NELL1: variants seen among roughly 807,000 people sequenced by gnomAD.
NELL1 encodes the protein neural EGFL like 1, also known as protein kinase C-binding protein NELL1.
In NELL1, 76 loss-of-function variants were observed where a neutral mutation model predicts 107.4. The observed-to-expected ratio is 0.71, with a 90% CI of 0.59 to 0.86. The LOEUF (loss-of-function observed/expected upper bound fraction) is 0.86. Among genes scored for constraint, NELL1 ranks in the 40% least tolerant of loss-of-function variants. NELL1 has a pLI of 0.00. For synonymous variants in NELL1, 353 were observed against 341.2 expected (o/e 1.03, Z -0.38); for missense variants, 1,024 against 1,005.5 (o/e 1.02, Z -0.25).
intron 5 of NELL1, among the ~76,000 whole-genome samples, chr11:20,892,213 G>C (rs910884269): frequency 2.0e-5 from 3 of 152,056 alleles, no homozygotes; most frequent in African/African-American, 7.2e-5. Context: ...TAAGAAACTC[G>C]CTCAAAACCG....
chr11:21,206,472 T>C (rs1476360011), intron 13 of NELL1, among the ~76,000 whole-genome samples: 1 of 152,182 alleles, frequency 6.6e-6, no homozygotes, highest in Non-Finnish European at 1.5e-5. Context: ...TTGGGGGTGG[T>C]ACTGTTCAAC....
chr11:21,248,876 T>C (rs1291167306), intron 14 of NELL1, among the ~76,000 whole-genome samples: 2 of 152,146 alleles, frequency 1.3e-5, no homozygotes, highest in Non-Finnish European at 2.9e-5. Flanking sequence ...ATCCTGGTAA[T>C]ATTGGACAAT....
intron 14 of NELL1, among the ~76,000 whole-genome samples, chr11:21,325,872 G>C (rs1393170256): frequency 6.6e-6 from 1 of 151,732 alleles, no homozygotes; most frequent in Non-Finnish European, 1.5e-5. Flanking sequence ...TCATATAAAT[G>C]TAATAACATA....
intron 14 of NELL1, among the ~76,000 whole-genome samples, chr11:21,346,671 A>G (rs555073608): frequency 2.7e-5 from 4 of 148,274 alleles, no homozygotes; most frequent in South Asian, 2.1e-4. Context: ...ATAATATCAA[A>G]TTAAATATAT....
At position 20,670,026 on chromosome 11, in the gene NELL1, C is replaced by A. The variant is rs1590192410; in HGVS notation, c.55+248C>A. Among the ~76,000 whole-genome samples the A allele has an allele frequency of 2.0e-5, 3 of 152,312 alleles. No homozygotes were observed. In the East Asian group the frequency reaches 5.8e-4, roughly 30 times the overall value. On this transcript the variant is annotated intron_variant, in intron 1 of 19. Coordinates refer to ENST00000357134, the MANE Select transcript of NELL1 (RefSeq NM_006157.5). ...GCCTCAGGGGCGCAGGAGTGAGGGG[C>A]GCGGCCGAGTAGGCGCACCCTCTTG...
intron 14 of NELL1, among the ~76,000 whole-genome samples, chr11:21,251,934 C>T (rs1161421692): frequency 6.6e-6 from 1 of 152,056 alleles, no homozygotes; most frequent in African/African-American, 2.4e-5. Flanking sequence ...AAATCAAGGG[C>T]AAGAACAAGA....
chr11:21,199,469 A>C (rs1005691427), intron 13 of NELL1, among the ~76,000 whole-genome samples: 6 of 152,182 alleles, frequency 3.9e-5, no homozygotes, highest in African/African-American at 1.4e-4. Context: ...AGACTCTTGC[A>C]ATCTCAGTAA....
intron 2 of NELL1, among the ~76,000 whole-genome samples, chr11:20,755,553 TTTGTTTTTG>T (rs368890024): frequency 0.58 from 61,337 of 105,270 alleles, 15,960 homozygotes; most frequent in Middle Eastern, 0.73. Flanking sequence ...TTTTTTTGTT[TTTGTTTTTG>T]TTTTTTTTTT....
At chr11:20,803,303 C>T (rs1019581129) in intron 3 of NELL1, among the ~76,000 whole-genome samples, 1 of 152,062 alleles carries the variant, frequency 6.6e-6, no homozygotes, top group Admixed American at 6.5e-5. Flanking sequence ...GAGGTTGTAT[C>T]TGTCTAGGAA....
chr11:20,820,358 AC>A (rs1396663697), intron 3 of NELL1, among the ~76,000 whole-genome samples: 1 of 152,160 alleles, frequency 6.6e-6, no homozygotes, highest in African/African-American at 2.4e-5. Context: ...GTTATTAAAT[AC>A]CTATTATAAA....
At chr11:21,078,444 A>G (rs1346312543) in intron 12 of NELL1, among the ~76,000 whole-genome samples, 1 of 152,154 alleles carries the variant, frequency 6.6e-6, no homozygotes, top group Non-Finnish European at 1.5e-5. Flanking sequence ...ATTGTTTTAC[A>G]TAAATTAACT....
chr11:21,353,743 A>G (rs760150220), intron 14 of NELL1, among the ~76,000 whole-genome samples: 1 of 152,182 alleles, frequency 6.6e-6, no homozygotes, highest in Non-Finnish European at 1.5e-5. Flanking sequence ...TACAGCAAGC[A>G]GAGCTCTTTT....
chr11:21,364,885 A>G (rs1202188900), intron 14 of NELL1, among the ~76,000 whole-genome samples: 2 of 152,198 alleles, frequency 1.3e-5, no homozygotes, highest in African/African-American at 4.8e-5. Context: ...GGCTTACTGC[A>G]TTCTTTTTAA....
At chr11:21,506,334 C>G (rs564136661) in intron 15 of NELL1, among the ~76,000 whole-genome samples, 22 of 152,290 alleles carry the variant, frequency 1.4e-4, no homozygotes, top group Non-Finnish European at 2.1e-4. Context: ...CAACAATTTA[C>G]AGGCTTACCA....
At chr11:21,365,745 A>G (rs1292653292) in intron 14 of NELL1, among the ~76,000 whole-genome samples, 5 of 151,520 alleles carry the variant, frequency 3.3e-5, no homozygotes, top group Admixed American at 1.3e-4. Context: ...TTGTTTTTAT[A>G]TTCAACTGGC....
intron 14 of NELL1, among the ~76,000 whole-genome samples, chr11:21,352,239 G>A (rs562681824): frequency 2.8e-4 from 43 of 151,864 alleles, no homozygotes; most frequent in African/African-American, 9.2e-4. Context: ...AGTTTTTCCC[G>A]TATCGCTTAC....
chr11:20,699,510 G>A (rs934361727), intron 2 of NELL1, among the ~76,000 whole-genome samples: 10 of 152,010 alleles, frequency 6.6e-5, no homozygotes, highest in African/African-American at 2.2e-4. Flanking sequence ...ACAGGTGCAC[G>A]CCACCATGCC....
intron 14 of NELL1, among the ~76,000 whole-genome samples, chr11:21,300,840 G>T (rs901564810): frequency 2.0e-4 from 31 of 152,058 alleles, no homozygotes; most frequent in African/African-American, 7.0e-4. Context: ...TCCCATGTTG[G>T]CATGCTGTAC....
intron 13 of NELL1, among the ~76,000 whole-genome samples, chr11:21,210,172 T>A (rs745679327): frequency 8.5e-5 from 13 of 152,164 alleles, no homozygotes; most frequent in Non-Finnish European, 1.0e-4. Context: ...CTTTTGGATA[T>A]TATGAATAAT....
Sources: allele counts gnomAD v4.1 joint callset (sites outside exome capture counted in the v4.1 genomes callset), GRCh38; gene constraint gnomAD v4.1.1; transcripts MANE v1.5; gene names NCBI Gene and HGNC (gene_info 2026-07-23, HGNC 2026-07-21).